ASGR2: variants seen among roughly 807,000 people sequenced by gnomAD.
The protein encoded by ASGR2 is C-type lectin domain family 4 member H2.
In ASGR2, 34 loss-of-function variants were observed where a neutral mutation model predicts 32.3. The ratio of observed to expected loss-of-function variants is 1.05; its 90% CI spans 0.80 to 1.40. ASGR2 has a LOEUF of 1.40. ASGR2 is among the 40% of genes most tolerant of loss of function. The pLI is 0.00. For synonymous variants in ASGR2, 143 were observed against 150.0 expected, an observed-to-expected ratio of 0.95 and a Z score of 0.34; for missense variants, 385 against 386.4, an observed-to-expected ratio of 1.00 and a Z score of 0.03.
chr17:7,108,386 A>T lies in ASGR2; in HGVS notation c.337+76T>A, dbSNP rs1314572861. 6.9e-7 allele frequency: 1 copy of T among 1,450,356 alleles called. No homozygotes were observed. Among genetic ancestry groups the T allele is most frequent in the African/African-American group, 1.4e-5 (1 of 71,134 alleles). The allele number at this position is 1,450,356 out of a possible 1,614,324, so 89.8% of individuals were successfully genotyped here. On this transcript the variant is annotated intron_variant, in intron 4 of 8. Transcript: ENST00000691900. The surrounding 1 kb of genome is among the most constrained non-coding windows in gnomAD (Gnocchi z 4.9). The stretch of plus-strand genomic sequence containing the variant: ...CCTGCACCCCCACGGCACCCCACAC[A>T]GCCCTGTTGCAGACTCGGCACTGAG...
At chr17:7,102,251 C>T in intron 7 of ASGR2, 55 bp from the exon 8 acceptor site, 1 of 1,462,436 alleles carries the variant, frequency 6.8e-7, no homozygotes, top group Non-Finnish European at 9.6e-7. Flanking sequence ...TCTCCTCCCT[C>T]CATGCAGGCA....
chr17:7,108,983 G>T lies in ASGR2; in HGVS notation c.125-95C>A. The T allele has an allele frequency of 2.2e-6, 3 of 1,353,926 alleles. No individual in the cohort carries two copies. Among genetic ancestry groups the T allele is most frequent in the Non-Finnish European group, 3.0e-6 (3 of 1,000,080 alleles). 83.9% of individuals were successfully genotyped at this position (1,353,926 alleles called of 1,614,324 possible). A position where few individuals can be genotyped will look rare whatever the true frequency, so the allele number is the denominator to read the frequency against. On this transcript the variant is annotated intron_variant, in intron 2 of 8. Transcript: ENST00000691900. The surrounding 1 kb of genome is among the most constrained non-coding windows in gnomAD (Gnocchi z 4.9). ...AAGCCTGAGGAGGCATAACCTGGGCGGGGGGATTGGTTGGGGCCATGGGGG... is the reference window on the plus strand; with the variant it reads ...AAGCCTGAGGAGGCATAACCTGGGCTGGGGGATTGGTTGGGGCCATGGGGG...
chr17:7,112,528 A>G (rs555911759), intron 2 of ASGR2, among the ~76,000 whole-genome samples: 1 of 152,286 alleles, frequency 6.6e-6, no homozygotes, highest in African/African-American at 2.4e-5. Flanking sequence ...AGCATCCCGT[A>G]TTCTCTCTGA....
At position 7,107,084 on chromosome 17, in the gene ASGR2, G is replaced by C; in HGVS notation, c.564C>G (p.His188Gln). The change falls in exon 7 of 9, where the codon CAC becomes CAG. Residue 188 changes from histidine to glutamine, a missense_variant. His to Gln is a conservative substitution (Grantham distance 24). Coordinates refer to ENST00000691900, the MANE Select transcript of ASGR2 (RefSeq NM_001201352.2). This position sits in a 1 kb window ranked among gnomAD's most constrained non-coding sequence, Gnocchi z 5.0. ...EHQGSCYWFS[H>Q]SGKAWAEAEK... The stretch of plus-strand genomic sequence containing the variant: ...CCGCCTCAGCCCAGGCCTTCCCGGA[G>C]TGAGAGAACCAGTAGCAGCTGCCTT... 6.2e-7 allele frequency: 1 copy of C among 1,614,132 alleles called. No homozygotes were observed. Among genetic ancestry groups the C allele is most frequent in the Non-Finnish European group, 8.5e-7 (1 of 1,180,040 alleles).
intron 7 of ASGR2, among the ~76,000 whole-genome samples, chr17:7,104,003 A>T (rs1007415727): frequency 1.3e-5 from 2 of 150,234 alleles, no homozygotes; most frequent in East Asian, 3.9e-4. Context: ...AGAAGATATA[A>T]AAAAAAAAGA....
At chr17:7,110,788 C>A (rs1914527469) in intron 2 of ASGR2, among the ~76,000 whole-genome samples, 1 of 152,224 alleles carries the variant, frequency 6.6e-6, no homozygotes. Flanking sequence ...AACTATAGAA[C>A]ATGGCAGCTT....
At chr17:7,103,403 C>T (rs1446183706) in intron 7 of ASGR2, among the ~76,000 whole-genome samples, 1 of 152,200 alleles carries the variant, frequency 6.6e-6, no homozygotes, top group East Asian at 1.9e-4. Flanking sequence ...CTGGAGACAA[C>T]ACACACTATG....
chr17:7,106,668 C>T (rs1178708785), intron 7 of ASGR2, among the ~76,000 whole-genome samples: 1 of 152,048 alleles, frequency 6.6e-6, no homozygotes. Flanking sequence ...CTTTGGGAGG[C>T]GGAGGTGGGC....
In ASGR2 at chr17:7,114,649, C is replaced by T. The variant is rs1013978143; in HGVS notation, c.-105G>A. 9 of 1,024,208 alleles carry T rather than the reference C, an allele frequency of 8.8e-6. No individual in the cohort carries two copies. The highest frequency in any genetic ancestry group is 9.1e-5 in the East Asian group (1 of 10,962). 63.4% of individuals were successfully genotyped at this position (1,024,208 alleles called of 1,614,324 possible). On this transcript the variant is annotated 5_prime_UTR_variant, in exon 1 of 9. Transcript: ENST00000691900. The surrounding 1 kb of genome is among the most constrained non-coding windows in gnomAD (Gnocchi z 4.5). ...GTGTGGAGAGCGGACACCTGGCTCC[C>T]GCAGGCAACCCTGGCCTTGGCCAAG...
Position 7,113,794 on chromosome 17 carries a change from A to G in ASGR2, c.124+323T>C, listed in dbSNP as rs565662364. Reference sequence around the variant, plus strand: ...TCGCGCACATATACACACACACAACATTCACTCACACACACACACAGAGTC... The same window carrying G: ...TCGCGCACATATACACACACACAACGTTCACTCACACACACACACAGAGTC... On this transcript the variant is annotated intron_variant, in intron 2 of 8. Transcript: ENST00000691900. The surrounding 1 kb of genome is among the most constrained non-coding windows in gnomAD (Gnocchi z 5.1). Among the ~76,000 whole-genome samples, 125 of 104,810 alleles carry G rather than the reference A, an allele frequency of 1.2e-3. No homozygotes were observed. Among genetic ancestry groups the G allele is most frequent in the African/African-American group, 4.0e-3 (115 of 28,546 alleles). 68.8% of individuals were successfully genotyped at this position (104,810 alleles called of 152,430 possible).
At chr17:7,105,171 C>T (rs1431278243) in intron 7 of ASGR2, among the ~76,000 whole-genome samples, 1 of 151,684 alleles carries the variant, frequency 6.6e-6, no homozygotes, top group Non-Finnish European at 1.5e-5. Context: ...ACTGGAATAA[C>T]TCTAAATAAA....
chr17:7,109,274 C>G (rs1371861474), intron 2 of ASGR2, among the ~76,000 whole-genome samples: 1 of 152,076 alleles, frequency 6.6e-6, no homozygotes. Flanking sequence ...AATGGTTTTC[C>G]TCCCATCCAG....
intron 2 of ASGR2, among the ~76,000 whole-genome samples, chr17:7,110,269 C>T (rs578154243): frequency 6.6e-6 from 1 of 152,270 alleles, no homozygotes; most frequent in African/African-American, 2.4e-5. Context: ...CCCACTCCCG[C>T]TCTGAGCACA....
rs200423858 is a variant in ASGR2 at position 7,108,598 on chromosome 17, C to T, written c.242-41G>A. The T allele has an allele frequency of 1.3e-4, 205 of 1,604,224 alleles. 1 individual carries two copies. The East Asian group carries it at 4.4e-3, about 34-fold the overall frequency. ...TGGGGGCAGGATGAGGCAGAGGGGC[C>T]GTGTCCCCATCACTGTCCATGTGAC... On this transcript the variant is annotated intron_variant, in intron 3 of 8. Transcript: ENST00000691900. The surrounding 1 kb of genome is among the most constrained non-coding windows in gnomAD (Gnocchi z 4.9).
chr17:7,101,981 G>T, intron 8 of ASGR2, 109 bp downstream of exon 8: 1 of 1,207,566 alleles, frequency 8.3e-7, no homozygotes, highest in Non-Finnish European at 1.2e-6. Context: ...GGGAGGAGAG[G>T]ATTGGGGAAT....
At chr17:7,112,855 G>A (rs1372859313) in intron 2 of ASGR2, among the ~76,000 whole-genome samples, 3 of 151,888 alleles carry the variant, frequency 2.0e-5, no homozygotes, top group East Asian at 3.9e-4. Flanking sequence ...CATGGAACCC[G>A]GCTCCACCAC....
Position 7,107,383 on chromosome 17 carries a change from G to A in ASGR2, c.410-66C>T, listed in dbSNP as rs971035992. 2 of 1,542,400 alleles carry A rather than the reference G, an allele frequency of 1.3e-6. No individual in the cohort carries two copies. Among genetic ancestry groups the A allele is most frequent in the Non-Finnish European group, 1.8e-6 (2 of 1,133,782 alleles). On this transcript the variant is annotated intron_variant, in intron 5 of 8. Coordinates refer to ENST00000691900, the MANE Select transcript of ASGR2 (RefSeq NM_001201352.2). The surrounding 1 kb of genome is among the most constrained non-coding windows in gnomAD (Gnocchi z 5.0). ...CCCCACCTGCTAGGCTCCAGCCTGTGGCTGGGGAAGCATATACACCCACAG... is the reference window on the plus strand; with the variant it reads ...CCCCACCTGCTAGGCTCCAGCCTGTAGCTGGGGAAGCATATACACCCACAG...
At position 7,108,634 on chromosome 17, in the gene ASGR2, A is replaced by G. The variant is rs1317855340; in HGVS notation, c.242-77T>C. ...CACTGTCCATGTGACTGGCCCCTCA[A>G]TGTCCCCGCATTTGCCCCAGCTTGT... On this transcript the variant is annotated intron_variant, in intron 3 of 8. Transcript: ENST00000691900. This position sits in a 1 kb window ranked among gnomAD's most constrained non-coding sequence, Gnocchi z 4.9. 19 of 1,600,890 alleles carry G rather than the reference A, an allele frequency of 1.2e-5. No homozygotes were observed. The Middle Eastern group carries it at 5.6e-4, about 47-fold the overall frequency.
intron 7 of ASGR2, among the ~76,000 whole-genome samples, chr17:7,103,350 C>A (rs962086738): frequency 1.3e-5 from 2 of 152,226 alleles, no homozygotes; most frequent in African/African-American, 2.4e-5. Context: ...GGTGAGGCTG[C>A]TCCCCAAATT....
Sources: allele counts gnomAD v4.1 joint callset (sites outside exome capture counted in the v4.1 genomes callset), GRCh38; gene constraint gnomAD v4.1.1; non-coding constraint Gnocchi (gnomAD v3.1); transcripts MANE v1.5; gene names NCBI Gene and HGNC (gene_info 2026-07-23, HGNC 2026-07-21).